STX4: variants seen among roughly 807,000 people sequenced by gnomAD.
STX4 encodes syntaxin-4.
In STX4, 24 loss-of-function variants were observed where a neutral mutation model predicts 41.8. The ratio of observed to expected loss-of-function variants is 0.57; its 90% CI spans 0.42 to 0.81. STX4 has a LOEUF of 0.81. STX4 is among the 30% of genes least tolerant of loss of function. STX4 has a pLI of 0.00. For missense variants in STX4, 316 were observed against 389.9 expected (o/e 0.81, Z 1.60); for synonymous variants, 158 against 156.4 (o/e 1.01, Z -0.08).
chr16:31,039,106 G>A lies in STX4; in HGVS notation c.703-435G>A, dbSNP rs756100951. ...GTCATGCTACAGCCAATGCCCTTTT[G>A]CAGCTGAGACTTACAGGAAAGAGAT... is the stretch of plus-strand genomic sequence containing the variant. On this transcript the variant is annotated intron_variant, in intron 8 of 10. Coordinates refer to ENST00000313843, the MANE Select transcript of STX4 (RefSeq NM_004604.5). The surrounding 1 kb of genome is among the most constrained non-coding windows in gnomAD (Gnocchi z 4.1). 4.3e-6 allele frequency: 1 copy of A among 232,162 alleles called. No individual in the cohort carries two copies. The allele number at this position is 232,162 out of a possible 1,614,324, so 14.4% of individuals were successfully genotyped here. A position where few individuals can be genotyped will look rare whatever the true frequency, so the allele number is the denominator to read the frequency against.
At chr16:31,037,737 G>A (rs1018728273) in intron 5 of STX4, among the ~76,000 whole-genome samples, 189 bp from the exon 6 acceptor site, 2 of 151,774 alleles carry the variant, frequency 1.3e-5, no homozygotes, top group South Asian at 4.2e-4. Flanking sequence ...GACCACATAG[G>A]CCTGATAAGG....
In STX4 at chr16:31,039,323, T is replaced by G; in HGVS notation, c.703-218T>G. On this transcript the variant is annotated intron_variant, in intron 8 of 10. Transcript: ENST00000313843. This position sits in a 1 kb window ranked among gnomAD's most constrained non-coding sequence, Gnocchi z 4.1. ...CTTAGCTCCAAGCTACCACTGCAGA[T>G]AGAGGTTGTATGGGATAAGTGAGCA... The G allele has an allele frequency of 1.9e-6, 1 of 539,566 alleles. No individual in the cohort carries two copies. 33.4% of individuals were successfully genotyped at this position (539,566 alleles called of 1,614,324 possible). A position where few individuals can be genotyped will look rare whatever the true frequency, so the allele number is the denominator to read the frequency against.
Position 31,033,845 on chromosome 16 carries a change from C to T in STX4, c.30+10C>T. On this transcript the variant is annotated intron_variant, in intron 1 of 10. Coordinates refer to ENST00000313843, the MANE Select transcript of STX4 (RefSeq NM_004604.5). The surrounding 1 kb of genome is among the most constrained non-coding windows in gnomAD (Gnocchi z 5.5). ...CCACGAGCTGAGACAGGTGAGACGC[C>T]AGGGCAGCGGGGATGGGGACGGGCG... is the stretch of plus-strand genomic sequence containing the variant. 1.4e-6 allele frequency: 2 copies of T among 1,452,408 alleles called. No homozygotes were observed. Among genetic ancestry groups the T allele is most frequent in the Non-Finnish European group, 1.8e-6 (2 of 1,099,140 alleles). The allele number at this position is 1,452,408 out of a possible 1,614,324, so 90.0% of individuals were successfully genotyped here. A position where few individuals can be genotyped will look rare whatever the true frequency, so the allele number is the denominator to read the frequency against.
At position 31,039,352 on chromosome 16, in the gene STX4, G is replaced by A; in HGVS notation, c.703-189G>A. ...GGTTGTATGGGATAAGTGAGCAGGG[G>A]ACAAGGGACTACATGATAGAAGGGG... On this transcript the variant is annotated intron_variant, in intron 8 of 10. Coordinates refer to ENST00000313843, the MANE Select transcript of STX4 (RefSeq NM_004604.5). The surrounding 1 kb of genome is among the most constrained non-coding windows in gnomAD (Gnocchi z 4.1). 3.4e-6 allele frequency: 2 copies of A among 590,904 alleles called. No individual in the cohort carries two copies. Among genetic ancestry groups the A allele is most frequent in the East Asian group, 2.9e-5 (1 of 34,902 alleles). 36.6% of individuals were successfully genotyped at this position (590,904 alleles called of 1,614,324 possible).
At position 31,039,586 on chromosome 16, in the gene STX4, G is replaced by T; in HGVS notation, c.748G>T (p.Asp250Tyr). The T allele has an allele frequency of 6.2e-7, 1 of 1,614,164 alleles. No individual in the cohort carries two copies. Among genetic ancestry groups the T allele is most frequent in the South Asian group, 1.1e-5 (1 of 91,072 alleles). The stretch of plus-strand genomic sequence containing the variant: ...TGAGAAGAACATCCTGAGCTCAGCG[G>T]ACTACGTGGAACGTGGGCAGGAGCA... Reference protein sequence around the residue: ...RIEKNILSSADYVERGQEHVK... With the variant: ...RIEKNILSSAYYVERGQEHVK... Residue 250 changes from aspartate to tyrosine, a missense_variant, in exon 9 of 11, where the codon GAC becomes TAC. By Grantham distance (160) the Asp-to-Tyr change is radical (BLOSUM62 -3). Coordinates refer to ENST00000313843, the MANE Select transcript of STX4 (RefSeq NM_004604.5). This position sits in a 1 kb window ranked among gnomAD's most constrained non-coding sequence, Gnocchi z 4.1.
At chr16:31,036,305 A>G (rs903872396) in intron 5 of STX4, among the ~76,000 whole-genome samples, 2 of 152,128 alleles carry the variant, frequency 1.3e-5, no homozygotes, top group African/African-American at 4.8e-5. Flanking sequence ...AGCATATTTA[A>G]GGCCTCAGAA....
Position 31,033,640 on chromosome 16 carries a change from T to C in STX4, c.-166T>C. 3 of 1,470,392 alleles carry C rather than the reference T, an allele frequency of 2.0e-6. No individual in the cohort carries two copies. The highest frequency in any genetic ancestry group is 2.7e-6 in the Non-Finnish European group (3 of 1,112,238). 91.1% of individuals were successfully genotyped at this position (1,470,392 alleles called of 1,614,324 possible). On this transcript the variant is annotated 5_prime_UTR_variant, in exon 1 of 11. Transcript: ENST00000313843. This position sits in a 1 kb window ranked among gnomAD's most constrained non-coding sequence, Gnocchi z 5.5. ...TGGGGGGTCCCCGGGGTCGGCGCCT[T>C]CCCATTGACTGTGGGCGGTGCAAGG...
Position 31,034,336 on chromosome 16 carries a change from C to A in STX4, c.232+11C>A, listed in dbSNP as rs751760125. ...CCCTTCCCGAGGAGAGTGAGTGAAA[C>A]CCCGGCTGCAGGGCGCATGCTCCGC... On this transcript the variant is annotated intron_variant, in intron 3 of 10. Transcript: ENST00000313843. 3.1e-6 allele frequency: 5 copies of A among 1,613,846 alleles called. No homozygotes were observed. The highest frequency in any genetic ancestry group is 4.5e-5 in the East Asian group (2 of 44,898).
chr16:31,036,685 A>G (rs1013646381), intron 5 of STX4, among the ~76,000 whole-genome samples: 4 of 152,134 alleles, frequency 2.6e-5, no homozygotes, highest in African/African-American at 9.7e-5. Flanking sequence ...AAGAGGGACT[A>G]AGCATGCTGG....
intron 7 of STX4, 141 bp downstream of exon 7, chr16:31,038,331 C>T (rs1394554637): frequency 2.3e-6 from 3 of 1,320,742 alleles, no homozygotes; most frequent in African/African-American, 2.9e-5. Context: ...GCCACTGCAC[C>T]CCGCTTGCTG....
At chr16:31,037,747 G>A (rs1325072005) in intron 5 of STX4, among the ~76,000 whole-genome samples, 179 bp from the exon 6 acceptor site, 2 of 151,774 alleles carry the variant, frequency 1.3e-5, no homozygotes, top group South Asian at 2.1e-4. Flanking sequence ...GCCTGATAAG[G>A]GCTTTGGCTT....
upstream of STX4, chr16:31,033,346 G>T: frequency 1.2e-6 from 1 of 832,368 alleles, no homozygotes; most frequent in South Asian, 1.4e-5. The surrounding 1 kb of genome is among the most constrained non-coding windows in gnomAD (Gnocchi z 5.5). Context: ...CGGGTGTCTC[G>T]GATTACGTAC....
intron 4 of STX4, 162 bp downstream of exon 4, chr16:31,034,698 A>G: frequency 1.2e-6 from 1 of 811,478 alleles, no homozygotes; most frequent in Non-Finnish European, 1.9e-6. Flanking sequence ...TGTACTCTCC[A>G]CAGCACAAGT....
chr16:31,034,579 G>C (rs951950760), intron 4 of STX4, 43 bp downstream of exon 4: 1 of 1,511,762 alleles, frequency 6.6e-7, no homozygotes, highest in Non-Finnish European at 8.8e-7. Flanking sequence ...CTCTGATCCT[G>C]CCCTGTTGTT....
intron 5 of STX4, among the ~76,000 whole-genome samples, chr16:31,036,308 C>T (rs2056799218): frequency 6.6e-6 from 1 of 152,072 alleles, no homozygotes; most frequent in Non-Finnish European, 1.5e-5. Context: ...ATATTTAAGG[C>T]CTCAGAAGAA....
At chr16:31,033,178 T>G (rs2056767874), upstream of STX4, 1 of 582,716 alleles carries the variant, frequency 1.7e-6, no homozygotes. The surrounding 1 kb of genome is among the most constrained non-coding windows in gnomAD (Gnocchi z 5.5). Flanking sequence ...GCTCGGTCGT[T>G]GGGGTGCCGG....
chr16:31,033,782 C>T lies in STX4; in HGVS notation c.-24C>T, dbSNP rs2056774926. The T allele has an allele frequency of 2.1e-6, 3 of 1,450,106 alleles. No individual in the cohort carries two copies. The African/African-American group carries it at 4.3e-5, about 21-fold the overall frequency. The allele number at this position is 1,450,106 out of a possible 1,614,324, so 89.8% of individuals were successfully genotyped here. A position where few individuals can be genotyped will look rare whatever the true frequency, so the allele number is the denominator to read the frequency against. On this transcript the variant is annotated 5_prime_UTR_variant, in exon 1 of 11. Coordinates refer to ENST00000313843, the MANE Select transcript of STX4 (RefSeq NM_004604.5). The surrounding 1 kb of genome is among the most constrained non-coding windows in gnomAD (Gnocchi z 5.5). Reference sequence around the variant, plus strand: ...TTTGAGGGCCTCCCGGCTCTGGCGCCGGGGAGGGAGAGCTCAGGCCGCCAT... The same window carrying T: ...TTTGAGGGCCTCCCGGCTCTGGCGCTGGGGAGGGAGAGCTCAGGCCGCCAT...
At chr16:31,038,335 C>T in intron 7 of STX4, 145 bp downstream of exon 7, 3 of 1,311,012 alleles carry the variant, frequency 2.3e-6, no homozygotes, top group African/African-American at 1.5e-5. Context: ...CTGCACCCCG[C>T]TTGCTGTGGC....
chr16:31,033,496 C>A, upstream of STX4: 1 of 1,550,624 alleles, frequency 6.4e-7, no homozygotes, highest in South Asian at 1.2e-5. The surrounding 1 kb of genome is among the most constrained non-coding windows in gnomAD (Gnocchi z 5.5). Context: ...ACCTTCCCAG[C>A]CTCGGGCAAG....
Sources: allele counts gnomAD v4.1 joint callset (sites outside exome capture counted in the v4.1 genomes callset), GRCh38; gene constraint gnomAD v4.1.1; non-coding constraint Gnocchi (gnomAD v3.1); transcripts MANE v1.5; gene names NCBI Gene and HGNC (gene_info 2026-07-23, HGNC 2026-07-21).